The following COL4A5 variants were observed in gnomAD, a reference collection of about 807,000 sequenced individuals.
The protein encoded by COL4A5 is collagen type IV alpha 5 chain.
A neutral mutation model predicts 130.2 loss-of-function variants in COL4A5; 26 were observed. The observed-to-expected ratio is 0.20, with a 90% confidence interval of 0.15 to 0.28. The LOEUF (loss-of-function observed/expected upper bound fraction) is 0.28, where lower values mean the gene tolerates loss of function less well. Among genes scored for constraint, COL4A5 ranks in the 10% least tolerant of loss-of-function variants. The pLI, the probability that COL4A5 is intolerant of heterozygous loss-of-function variation, is 1.00. For missense variants in COL4A5, 1,131 were observed against 1,344.3 expected (o/e 0.84, Z 2.48); for synonymous variants, 496 against 439.6 (o/e 1.13, Z -1.60).
At chrX:108,621,501 C>T (rs1219063927) in intron 31 of COL4A5, among the ~76,000 whole-genome samples, 2 of 109,938 alleles carry the variant, frequency 1.8e-5, no homozygotes, top group African/African-American at 6.6e-5. Context: ...GGGAGTCACA[C>T]AATGTCATTT....
At chrX:108,525,656 T>G (rs2065304763) in intron 1 of COL4A5, among the ~76,000 whole-genome samples, 1 of 111,559 alleles carries the variant, frequency 9.0e-6, no homozygotes, top group Non-Finnish European at 1.9e-5. Context: ...ATTTAATGTA[T>G]TTTTATTTGT....
Position 108,689,498 on chromosome X carries a change from TG to T in COL4A5, c.4528+1806del, listed in dbSNP as rs2068610796. On this transcript the variant is annotated intron_variant, in intron 49 of 52. Transcript: ENST00000328300. ...TTTCTCTAATAAGAACAATCAGATT[TG>T]GAATCTATAAACTGGCCCTGACTCT... The T allele has an allele frequency of 4.0e-6, 3 of 752,021 alleles. No homozygotes were observed. In the African/African-American group the frequency reaches 6.9e-5, roughly 17 times the overall value. The allele number at this position is 752,021 out of a possible 1,213,427, so 62.0% of individuals were successfully genotyped here.
At chrX:108,507,690 C>G (rs1279708992) in intron 1 of COL4A5, among the ~76,000 whole-genome samples, 2 of 111,178 alleles carry the variant, frequency 1.8e-5, no homozygotes, top group Non-Finnish European at 3.8e-5. Flanking sequence ...CACCTGTAGT[C>G]CCAGCTGCTG....
chrX:108,626,609 T>C (rs1189370226), intron 36 of COL4A5: 10 of 1,084,985 alleles, frequency 9.2e-6, no homozygotes, highest in Non-Finnish European at 1.2e-5. Context: ...TTCAATAATC[T>C]CAATGCCTAG....
chrX:108,577,469 A>G (rs2066173391), intron 10 of COL4A5, among the ~76,000 whole-genome samples: 1 of 110,125 alleles, frequency 9.1e-6, no homozygotes, highest in Non-Finnish European at 1.9e-5. Flanking sequence ...GAGGCAACAT[A>G]CTTGAGCAGA....
At chrX:108,488,133 GC>G (rs937439596) in intron 1 of COL4A5, among the ~76,000 whole-genome samples, 7 of 112,012 alleles carry the variant, frequency 6.2e-5, no homozygotes, top group African/African-American at 2.3e-4. Flanking sequence ...CTTCCCAGAG[GC>G]AACCAGTGTT....
chrX:108,652,883 C>T (rs1298903176), intron 36 of COL4A5, among the ~76,000 whole-genome samples: 1 of 111,836 alleles, frequency 8.9e-6, no homozygotes, highest in Non-Finnish European at 1.9e-5. Flanking sequence ...ATTTCATTTT[C>T]AGAATTATAT....
intron 19 of COL4A5, among the ~76,000 whole-genome samples, 169 bp downstream of exon 19, chrX:108,586,916 C>G (rs2066346188): frequency 9.0e-6 from 1 of 111,593 alleles, no homozygotes; most frequent in Non-Finnish European, 1.9e-5. Context: ...ATATTACTCA[C>G]TTGTACTTTA....
Position 108,473,633 on chromosome X carries a change from A to ATATATATATTTTT in COL4A5, c.81+33428_81+33429insATATATATTTTTT. On this transcript the variant is annotated intron_variant, in intron 1 of 52. Transcript: ENST00000328300. Reference sequence around the variant, plus strand: ...TATATGTATATATATATATATATATATTTTTTTTTTTTTGAGATGAAGTCT... The same window carrying ATATATATATTTTT: ...TATATGTATATATATATATATATATATATATATATTTTTTTTTTTTTTTTTTGAGATGAAGTCT... 2.4e-3 allele frequency among the ~76,000 whole-genome samples: 83 copies of ATATATATATTTTT among 34,555 alleles called. 2 individuals carry two copies. The highest frequency in any genetic ancestry group is 4.2e-3 in the African/African-American group (39 of 9,271). The allele number at this position is 34,555 out of a possible 115,157, so 30.0% of individuals were successfully genotyped here. A position where few individuals can be genotyped will look rare whatever the true frequency, so the allele number is the denominator to read the frequency against.
intron 1 of COL4A5, among the ~76,000 whole-genome samples, chrX:108,479,519 C>G (rs917536574): frequency 8.9e-5 from 10 of 111,896 alleles, no homozygotes; most frequent in Non-Finnish European, 1.9e-4. Context: ...GCATATCGTG[C>G]AGAACGATCT....
chrX:108,442,032 A>T (rs1052811987), intron 1 of COL4A5, among the ~76,000 whole-genome samples: 2 of 111,991 alleles, frequency 1.8e-5, no homozygotes, highest in Non-Finnish European at 3.8e-5. Context: ...AGAACATTTT[A>T]TATCCCCTTT....
intron 1 of COL4A5, among the ~76,000 whole-genome samples, chrX:108,451,269 A>T (rs1603244930): frequency 9.1e-6 from 1 of 110,015 alleles, no homozygotes; most frequent in African/African-American, 3.3e-5. Context: ...GTTGGTTCCA[A>T]GTCTTTGCTA....
intron 1 of COL4A5, among the ~76,000 whole-genome samples, chrX:108,517,838 A>AT (rs1341825505): frequency 4.5e-5 from 5 of 110,557 alleles, no homozygotes; most frequent in Non-Finnish European, 9.5e-5. Flanking sequence ...TTTTCTAAGC[A>AT]TTTTTTTTCT....
intron 50 of COL4A5, chrX:108,694,255 T>A (rs1372929895): frequency 8.5e-6 from 1 of 118,318 alleles, no homozygotes. Flanking sequence ...ATTTTATAGA[T>A]TTCAGCCACA....
intron 1 of COL4A5, among the ~76,000 whole-genome samples, chrX:108,451,608 T>A (rs1267897787): frequency 1.8e-5 from 2 of 110,290 alleles, no homozygotes; most frequent in Non-Finnish European, 3.8e-5. Flanking sequence ...ATGATGAGCA[T>A]TTTTTCATGT....
Position 108,573,380 on chromosome X carries a change from T to G in COL4A5, c.466-194T>G, listed in dbSNP as rs1031941337. Among the ~76,000 whole-genome samples, 6 of 111,963 alleles carry G rather than the reference T, an allele frequency of 5.4e-5. No individual in the cohort carries two copies. In the South Asian group the frequency reaches 2.2e-3, roughly 41 times the overall value. On this transcript the variant is annotated intron_variant, in intron 8 of 52. Transcript: ENST00000328300. ...GAAGGTACTACACTCTTAATAAATC[T>G]ACTGTTCTTCAGTGTACTCTGGCCA...
intron 1 of COL4A5, among the ~76,000 whole-genome samples, chrX:108,505,003 T>A (rs761281937): frequency 1.8e-5 from 2 of 109,997 alleles, no homozygotes; most frequent in Non-Finnish European, 3.8e-5. Flanking sequence ...AACCAAGGAG[T>A]AGATAAAGAA....
intron 1 of COL4A5, among the ~76,000 whole-genome samples, chrX:108,513,179 G>C (rs865966447): frequency 9.0e-5 from 10 of 111,263 alleles, no homozygotes; most frequent in African/African-American, 3.3e-4. Context: ...TGTATGCTTA[G>C]TTTCATTTAA....
chrX:108,626,265 C>G lies in COL4A5; in HGVS notation c.3162C>G (p.Gly1054=). 8.3e-7 allele frequency: 1 copy of G among 1,210,071 alleles called. No homozygotes were observed. Among genetic ancestry groups the G allele is most frequent in the Non-Finnish European group, 1.1e-6 (1 of 894,295 alleles). ...CTTCTGGAGTTCCTGGACAACCTGG[C>G]TCCCCAGGATTACCTGGACAGAAAG... ...PGPSGVPGQP[G]SPGLPGQKGD... Residue 1054 remains glycine, a synonymous_variant, in exon 36 of 53, where the codon GGC becomes GGG. Transcript: ENST00000328300.
Sources: gnomAD v4.1 joint callset for allele counts (sites outside exome capture counted in the v4.1 genomes callset) on GRCh38, gnomAD v4.1.1 for gene constraint, MANE v1.5 for transcripts, NCBI Gene and HGNC (gene_info 2026-07-23, HGNC 2026-07-21) for gene names.